Variants in JAM2 observed in about 807,000 individuals in gnomAD.
The protein encoded by JAM2 is junctional adhesion molecule 2, also known as junctional adhesion molecule B.
Under a neutral mutation model 42.0 loss-of-function variants are expected in JAM2, and 17 were observed. The observed-to-expected ratio is 0.40, with a 90% CI of 0.28 to 0.61. The LOEUF (loss-of-function observed/expected upper bound fraction) is 0.61, where lower values mean the gene tolerates loss of function less well. Ranked by LOEUF, JAM2 falls within the 20% of genes least tolerant of loss-of-function variation. The pLI is 0.37. For missense variants in JAM2, 319 were observed against 358.3 expected (o/e 0.89, Z 0.89); for synonymous variants, 118 against 128.6 (o/e 0.92, Z 0.56).
intron 1 of JAM2, among the ~76,000 whole-genome samples, chr21:25,656,278 C>T (rs112449934): frequency 0.015 from 2,339 of 152,156 alleles, 48 homozygotes; most frequent in African/African-American, 0.053. Flanking sequence ...TCTTGTCCAC[C>T]CCCAGGCTCC....
chr21:25,667,771 G>A lies in JAM2; in HGVS notation c.68-16112G>A, dbSNP rs532734577. On this transcript the variant is annotated intron_variant, in intron 1 of 9. Transcript: ENST00000480456. Reference sequence around the variant, plus strand: ...TACCATATGGCAAGCATTGTTCTTCGCCCTTGGGATTATTAACAAAAATTA... The same window carrying A: ...TACCATATGGCAAGCATTGTTCTTCACCCTTGGGATTATTAACAAAAATTA... Among the ~76,000 whole-genome samples the A allele has an allele frequency of 1.8e-4, 28 of 152,088 alleles. 1 individual carries two copies. The South Asian group carries it at 4.8e-3, about 26-fold the overall frequency.
In JAM2 at chr21:25,646,611, A is replaced by AGGAT. The variant is rs548704348; in HGVS notation, c.67+6733_67+6736dup. Among the ~76,000 whole-genome samples the AGGAT allele has an allele frequency of 3.6e-3, 546 of 151,392 alleles. 1 individual carries two copies. The highest frequency in any genetic ancestry group is 0.013 in the African/African-American group (521 of 41,210). ...GAGAAGGAGAGAGAGAGAGAGAGGGAGGATGGATGGATGTGTGCTCAGATA... is the reference window on the plus strand; with the variant it reads ...GAGAAGGAGAGAGAGAGAGAGAGGGAGGATGGATGGATGGATGTGTGCTCAGATA... On this transcript the variant is annotated intron_variant, in intron 1 of 9. Coordinates refer to ENST00000480456, the MANE Select transcript of JAM2 (RefSeq NM_021219.4).
intron 1 of JAM2, among the ~76,000 whole-genome samples, chr21:25,661,969 G>A (rs1254138982): frequency 1.3e-5 from 2 of 151,930 alleles, no homozygotes; most frequent in East Asian, 3.8e-4. Context: ...GTATAGATGT[G>A]GGTGTGTTTC....
Position 25,639,731 on chromosome 21 carries a change from C to A in JAM2, c.-91C>A. On this transcript the variant is annotated 5_prime_UTR_variant, in exon 1 of 10. Coordinates refer to ENST00000480456, the MANE Select transcript of JAM2 (RefSeq NM_021219.4). ...CCCTCCCGACTCTCTGCTCCTTTCCCGCCCCAGAAGTTCAAGGGCCCCCGG... is the reference window on the plus strand; with the variant it reads ...CCCTCCCGACTCTCTGCTCCTTTCCAGCCCCAGAAGTTCAAGGGCCCCCGG... 1 of 772,790 alleles carries A rather than the reference C, an allele frequency of 1.3e-6. No homozygotes were observed. Among genetic ancestry groups the A allele is most frequent in the Non-Finnish European group, 2.1e-6 (1 of 479,640 alleles). The allele number at this position is 772,790 out of a possible 1,614,324, so 47.9% of individuals were successfully genotyped here. A position where few individuals can be genotyped will look rare whatever the true frequency, so the allele number is the denominator to read the frequency against.
chr21:25,670,637 T>TA (rs1233316238), intron 1 of JAM2, among the ~76,000 whole-genome samples: 1 of 152,208 alleles, frequency 6.6e-6, no homozygotes, highest in Non-Finnish European at 1.5e-5. Context: ...TCACTGATCC[T>TA]AAAAAAGTGC....
At chr21:25,696,179 A>T (rs1271312586) in intron 4 of JAM2, among the ~76,000 whole-genome samples, 5 of 152,202 alleles carry the variant, frequency 3.3e-5, no homozygotes, top group Non-Finnish European at 7.3e-5. Context: ...CGCGGTTAGG[A>T]GCTGGAGACC....
chr21:25,661,786 G>A (rs1301977367), intron 1 of JAM2, among the ~76,000 whole-genome samples: 1 of 152,100 alleles, frequency 6.6e-6, no homozygotes, highest in Non-Finnish European at 1.5e-5. Flanking sequence ...TTTCATCACT[G>A]CACTAAATTC....
At chr21:25,649,289 T>C (rs56946479) in intron 1 of JAM2, among the ~76,000 whole-genome samples, 15,420 of 152,250 alleles carry the variant, frequency 0.1, 1,113 homozygotes, top group East Asian at 0.39. Flanking sequence ...TTTAATTGAC[T>C]CTCAGTTTCG....
At position 25,670,924 on chromosome 21, in the gene JAM2, G is replaced by T. The variant is rs565664142; in HGVS notation, c.68-12959G>T. 8.5e-5 allele frequency among the ~76,000 whole-genome samples: 13 copies of T among 152,286 alleles called. No individual in the cohort carries two copies. In the South Asian group the frequency reaches 2.7e-3, roughly 32 times the overall value. Reference sequence around the variant, plus strand: ...TCAAAGGAAGCATGAAGCAACAATGGCTGGGAAGTTTCCCTTGGTTTTCAA... The same window carrying T: ...TCAAAGGAAGCATGAAGCAACAATGTCTGGGAAGTTTCCCTTGGTTTTCAA... On this transcript the variant is annotated intron_variant, in intron 1 of 9. Transcript: ENST00000480456.
At chr21:25,690,283 TTTCTC>T (rs1169768079) in intron 3 of JAM2, among the ~76,000 whole-genome samples, 1 of 151,390 alleles carries the variant, frequency 6.6e-6, no homozygotes, top group Non-Finnish European at 1.5e-5. Context: ...TCTTTCTTTC[TTTCTC>T]TTTATTTCTT....
Position 25,717,414 on chromosome 21 carries a change from T to C in JAM2, c.*2742T>C. 1 of 344,294 alleles carries C rather than the reference T, an allele frequency of 2.9e-6. No homozygotes were observed. Among genetic ancestry groups the C allele is most frequent in the East Asian group, 4.9e-5 (1 of 20,278 alleles). The allele number at this position is 344,294 out of a possible 1,614,324, so 21.3% of individuals were successfully genotyped here. ...GCAAGCTTTGTTTTGTTTTAATTAT[T>C]GTTGCTGTTGTAACTAGATTTAATT... On this transcript the variant is annotated 3_prime_UTR_variant, in exon 10 of 10. Coordinates refer to ENST00000480456, the MANE Select transcript of JAM2 (RefSeq NM_021219.4).
At chr21:25,677,389 A>T (rs909561549) in intron 1 of JAM2, among the ~76,000 whole-genome samples, 2 of 152,220 alleles carry the variant, frequency 1.3e-5, no homozygotes, top group Non-Finnish European at 2.9e-5. Flanking sequence ...TGTACAAGGG[A>T]ATTAACAAAA....
At chr21:25,693,616 A>T in intron 3 of JAM2, 140 bp from the exon 4 acceptor site, 1 of 720,710 alleles carries the variant, frequency 1.4e-6, no homozygotes, top group Non-Finnish European at 2.2e-6. Context: ...CAGCATCTAT[A>T]TACAACTTTT....
In JAM2 at chr21:25,701,794, AG is replaced by A. The variant is rs2034172129; in HGVS notation, c.598-373del. Among the ~76,000 whole-genome samples the A allele has an allele frequency of 7.9e-5, 12 of 152,148 alleles. 1 individual carries two copies. The South Asian group carries it at 2.5e-3, about 32-fold the overall frequency. ...AGGAAAGTGCATTAACCCTTTTACC[AG>A]GGAGGCCTGCCCTTCATTTATAAAT... On this transcript the variant is annotated intron_variant, in intron 5 of 9. Coordinates refer to ENST00000480456, the MANE Select transcript of JAM2 (RefSeq NM_021219.4).
intron 2 of JAM2, among the ~76,000 whole-genome samples, chr21:25,684,593 TG>T (rs2033708878): frequency 6.6e-6 from 1 of 152,138 alleles, no homozygotes; most frequent in African/African-American, 2.4e-5. Context: ...TTGTTGTTGT[TG>T]TTGTTTTGTT....
intron 1 of JAM2, among the ~76,000 whole-genome samples, chr21:25,649,225 C>G (rs1409692243): frequency 6.6e-6 from 1 of 152,130 alleles, no homozygotes; most frequent in Non-Finnish European, 1.5e-5. Context: ...TTAGTGTGTT[C>G]TCACGCTGCT....
intron 9 of JAM2, 133 bp from the exon 10 acceptor site, chr21:25,714,507 A>C: frequency 1.5e-6 from 1 of 677,094 alleles, no homozygotes; most frequent in South Asian, 2.3e-5. Context: ...CAAAAAATAA[A>C]ATAAATAAAT....
At chr21:25,704,784 A>G (rs1453813545) in intron 6 of JAM2, among the ~76,000 whole-genome samples, 1 of 152,206 alleles carries the variant, frequency 6.6e-6, no homozygotes, top group Non-Finnish European at 1.5e-5. Context: ...ATGTTAATAA[A>G]TTGTGTTGTA....
At chr21:25,709,478 T>G (rs1195332021) in intron 8 of JAM2, 29 bp downstream of exon 8, 2 of 1,421,824 alleles carry the variant, frequency 1.4e-6, no homozygotes, top group Non-Finnish European at 1.9e-6. Flanking sequence ...AATGCATGTC[T>G]TTCTCCTATG....
Sources: allele counts gnomAD v4.1 joint callset (sites outside exome capture counted in the v4.1 genomes callset), GRCh38; gene constraint gnomAD v4.1.1; transcripts MANE v1.5; gene names NCBI Gene and HGNC (gene_info 2026-07-23, HGNC 2026-07-21).